KIAA1671: variants seen among roughly 807,000 people sequenced by gnomAD.
KIAA1671 encodes uncharacterized protein KIAA1671.
A neutral mutation model predicts 131.2 loss-of-function variants in KIAA1671; 52 were observed. The ratio of observed to expected loss-of-function variants is 0.40; its 90% CI spans 0.32 to 0.50. KIAA1671 has a LOEUF of 0.50. Among genes scored for constraint, KIAA1671 ranks in the 20% least tolerant of loss-of-function variants. The probability of loss-of-function intolerance (pLI) is 0.73; values close to 1 mark genes in which losing one functional copy is unlikely to be tolerated. For missense variants in KIAA1671, 2,360 were observed against 2,364.2 expected, an observed-to-expected ratio of 1.00 and a Z score of 0.04; for synonymous variants, 1,003 against 961.6, an observed-to-expected ratio of 1.04 and a Z score of -0.80.
chr22:25,166,124 C>T (rs1324471591), intron 6 of KIAA1671, among the ~76,000 whole-genome samples: 3 of 152,152 alleles, frequency 2.0e-5, no homozygotes, highest in South Asian at 2.1e-4. Flanking sequence ...AAGCTGCCGC[C>T]GTGGGTGAAC....
chr22:25,014,073 C>T (rs937319181), intron 1 of KIAA1671: 2 of 152,182 alleles, frequency 1.3e-5, no homozygotes, highest in Admixed American at 1.3e-4. Flanking sequence ...GGCAAAATTT[C>T]ACTTGGGAAA....
intron 1 of KIAA1671, among the ~76,000 whole-genome samples, chr22:24,978,990 T>C (rs1454543888): frequency 6.8e-6 from 1 of 147,716 alleles, no homozygotes; most frequent in Non-Finnish European, 1.5e-5. Context: ...CAGCCAATCA[T>C]CTTAATCATT....
intron 6 of KIAA1671, among the ~76,000 whole-genome samples, chr22:25,088,320 T>C (rs1929843367): frequency 6.6e-6 from 1 of 152,170 alleles, no homozygotes; most frequent in African/African-American, 2.4e-5. Context: ...TTGGCCAGGC[T>C]GGTCTTGAAC....
At chr22:25,145,956 A>C (rs75738209) in intron 6 of KIAA1671, among the ~76,000 whole-genome samples, 3 of 150,366 alleles carry the variant, frequency 2.0e-5, no homozygotes, top group Non-Finnish European at 4.5e-5. Flanking sequence ...AAAAAAAAAA[A>C]AAAACAACAA....
At chr22:25,098,311 C>T (rs1265728382) in intron 6 of KIAA1671, among the ~76,000 whole-genome samples, 1 of 152,130 alleles carries the variant, frequency 6.6e-6, no homozygotes, top group African/African-American at 2.4e-5. Flanking sequence ...CTCTCTCTCC[C>T]CTTTCGTTCC....
intron 6 of KIAA1671, among the ~76,000 whole-genome samples, chr22:25,164,923 G>A (rs1933586338): frequency 6.7e-6 from 1 of 148,744 alleles, no homozygotes; most frequent in African/African-American, 2.5e-5. Context: ...ACTCCAGCCT[G>A]GGCAACAGAG....
chr22:24,999,739 T>A (rs1284870938), intron 1 of KIAA1671, among the ~76,000 whole-genome samples: 1 of 147,044 alleles, frequency 6.8e-6, no homozygotes, highest in Non-Finnish European at 1.5e-5. Flanking sequence ...ACTGTTCAGT[T>A]TTTTGCAAAG....
chr22:25,190,598 C>A, intron 11 of KIAA1671, 104 bp from the exon 12 acceptor site: 1 of 944,566 alleles, frequency 1.1e-6, no homozygotes, highest in Non-Finnish European at 1.7e-6. Context: ...CTTGCCCCAA[C>A]CCCGCCTGGG....
rs1203053764 is a variant in KIAA1671 at position 25,114,597 on chromosome 22, CTCT to C, written c.4531-56222_4531-56220del. On this transcript the variant is annotated intron_variant, in intron 6 of 12. Transcript: ENST00000358431. ...TCCCTCTCTGTGCCTTGATTTCCTC[CTCT>C]GTGAAATGGGGATGATCGTGCATTG... is the stretch of plus-strand genomic sequence containing the variant. Among the ~76,000 whole-genome samples the C allele has an allele frequency of 4.6e-5, 7 of 152,228 alleles. No homozygotes were observed. In the South Asian group the frequency reaches 1.2e-3, roughly 27 times the overall value.
chr22:25,058,008 T>G (rs1165418337), intron 6 of KIAA1671: 1 of 152,130 alleles, frequency 6.6e-6, no homozygotes, highest in Non-Finnish European at 1.5e-5. Flanking sequence ...AAAAAGCAAG[T>G]TTAAGACTTC....
intron 5 of KIAA1671, among the ~76,000 whole-genome samples, chr22:25,047,002 A>C: frequency 7.0e-6 from 1 of 142,802 alleles, no homozygotes; most frequent in Non-Finnish European, 1.5e-5. Flanking sequence ...CCAGCGTCTC[A>C]CTCTGTCACT....
Position 25,027,930 on chromosome 22 carries a change from GT to G in KIAA1671, c.-55-11del. ...GTTTTCCAAATTTACTTGTTTGTTT[GT>G]TTTGTTTGTTTAGCAATTGCTTCTC... On this transcript the variant is annotated splice_polypyrimidine_tract_variant and intron_variant, in intron 2 of 12. Coordinates refer to ENST00000358431, the MANE Select transcript of KIAA1671 (RefSeq NM_001145206.2). 1 of 1,204,944 alleles carries G rather than the reference GT, an allele frequency of 8.3e-7. No homozygotes were observed. The highest frequency in any genetic ancestry group is 1.1e-6 in the Non-Finnish European group (1 of 876,824). 74.6% of individuals were successfully genotyped at this position (1,204,944 alleles called of 1,614,324 possible). A position where few individuals can be genotyped will look rare whatever the true frequency, so the allele number is the denominator to read the frequency against.
At chr22:25,088,944 C>T (rs559122315) in intron 6 of KIAA1671, among the ~76,000 whole-genome samples, 1 of 152,290 alleles carries the variant, frequency 6.6e-6, no homozygotes, top group East Asian at 1.9e-4. Flanking sequence ...TTTCCGTATC[C>T]GTGGATTCAA....
intron 1 of KIAA1671, among the ~76,000 whole-genome samples, chr22:24,992,814 CAAAAAAAA>C (rs761181079): frequency 7.0e-5 from 4 of 57,382 alleles, no homozygotes; most frequent in Admixed American, 2.8e-4. Context: ...GACTCCGTCT[CAAAAAAAA>C]AAAAAAAAAA....
At chr22:25,178,502 C>A (rs111793800) in intron 9 of KIAA1671, among the ~76,000 whole-genome samples, 93 of 151,680 alleles carry the variant, frequency 6.1e-4, no homozygotes, top group African/African-American at 2.1e-3. Context: ...ATCTGCAAAG[C>A]CCTGGTGGGG....
At chr22:25,112,369 G>C (rs902772648) in intron 6 of KIAA1671, 2 of 398,964 alleles carry the variant, frequency 5.0e-6, no homozygotes, top group African/African-American at 4.1e-5. Context: ...TGGCTTCCCG[G>C]AGTCGGGAAT....
intron 6 of KIAA1671, among the ~76,000 whole-genome samples, chr22:25,103,544 C>G (rs1013307831): frequency 6.2e-4 from 94 of 152,068 alleles, no homozygotes; most frequent in African/African-American, 2.2e-3. Flanking sequence ...ATTTTTAGTA[C>G]AGACGAGGTT....
chr22:25,156,214 A>G (rs1029128296), intron 6 of KIAA1671, among the ~76,000 whole-genome samples: 4 of 115,458 alleles, frequency 3.5e-5, no homozygotes, highest in Non-Finnish European at 8.4e-5. Flanking sequence ...TTTAGTAGAG[A>G]TGGGGTTTCA....
intron 6 of KIAA1671, among the ~76,000 whole-genome samples, chr22:25,108,478 C>A (rs948598623): frequency 1.2e-4 from 18 of 152,138 alleles, no homozygotes; most frequent in African/African-American, 3.1e-4. Context: ...TCACTATGGG[C>A]AATCTGTGTG....
Sources: allele counts gnomAD v4.1 joint callset (sites outside exome capture counted in the v4.1 genomes callset), GRCh38; gene constraint gnomAD v4.1.1; transcripts MANE v1.5; gene names NCBI Gene and HGNC (gene_info 2026-07-23, HGNC 2026-07-21).